The following GRHL2 variants were observed in gnomAD, a reference collection of about 807,000 sequenced individuals.
GRHL2 encodes grainyhead like transcription factor 2, also known as grainyhead-like protein 2 homolog.
Under a neutral mutation model 83.8 loss-of-function variants are expected in GRHL2, and 21 were observed. The observed-to-expected ratio is 0.25, with a 90% CI of 0.18 to 0.36. The LOEUF (loss-of-function observed/expected upper bound fraction) is 0.36, where lower values mean the gene tolerates loss of function less well. Ranked by LOEUF, GRHL2 falls within the 10% of genes least tolerant of loss-of-function variation. The pLI is 1.00. For synonymous variants in GRHL2, 280 were observed against 278.9 expected (o/e 1.00, Z -0.04); for missense variants, 623 against 781.8 (o/e 0.80, Z 2.42).
chr8:101,559,783 T>C (rs1309272865), intron 4 of GRHL2, among the ~76,000 whole-genome samples: 1 of 152,180 alleles, frequency 6.6e-6, no homozygotes, highest in Admixed American at 6.5e-5. Context: ...CATCAGAATC[T>C]AGGTATAGAA....
chr8:101,500,342 A>G (rs753612246), intron 1 of GRHL2, among the ~76,000 whole-genome samples: 12 of 152,062 alleles, frequency 7.9e-5, no homozygotes, highest in Admixed American at 1.3e-4. Flanking sequence ...CAAATTTCAG[A>G]TTCACCCTAC....
intron 1 of GRHL2, among the ~76,000 whole-genome samples, chr8:101,503,165 G>A (rs1810266798): frequency 6.6e-6 from 1 of 152,200 alleles, no homozygotes; most frequent in African/African-American, 2.4e-5. Flanking sequence ...TCTCATGTTG[G>A]AGGGAATTTT....
chr8:101,493,973 G>A (rs1163884742), intron 1 of GRHL2, among the ~76,000 whole-genome samples: 1 of 152,140 alleles, frequency 6.6e-6, no homozygotes, highest in Admixed American at 6.5e-5. Context: ...GGCCTTTCTC[G>A]GGATTCGGCG....
chr8:101,595,173 T>C (rs1714254184), intron 7 of GRHL2, among the ~76,000 whole-genome samples: 1 of 152,226 alleles, frequency 6.6e-6, no homozygotes, highest in South Asian at 2.1e-4. Context: ...CAGTAAATAT[T>C]TCCTCAATAC....
intron 3 of GRHL2, among the ~76,000 whole-genome samples, chr8:101,556,659 C>T (rs1563578547): frequency 1.3e-5 from 2 of 152,160 alleles, no homozygotes; most frequent in African/African-American, 4.8e-5. Context: ...TTTACATAAG[C>T]CAAGCTACAC....
At chr8:101,577,307 A>C in intron 6 of GRHL2, 101 bp from the exon 7 acceptor site, 1 of 773,360 alleles carries the variant, frequency 1.3e-6, no homozygotes, top group Non-Finnish European at 2.3e-6. Context: ...CAAGAAAAGC[A>C]ACATGACACA....
chr8:101,540,478 GTT>G (rs1436492380), intron 1 of GRHL2, among the ~76,000 whole-genome samples: 2 of 152,182 alleles, frequency 1.3e-5, no homozygotes, highest in Non-Finnish European at 2.9e-5. Context: ...TTGAGTCAAT[GTT>G]CTCTCTTTCC....
intron 8 of GRHL2, among the ~76,000 whole-genome samples, chr8:101,612,038 G>T (rs1024093275): frequency 8.0e-5 from 12 of 150,894 alleles, no homozygotes; most frequent in Non-Finnish European, 1.6e-4. Flanking sequence ...TAGGCTGGAT[G>T]GAGTGCAATG....
At chr8:101,621,549 A>G (rs1812965287) in intron 9 of GRHL2, among the ~76,000 whole-genome samples, 1 of 152,190 alleles carries the variant, frequency 6.6e-6, no homozygotes, top group Non-Finnish European at 1.5e-5. Context: ...AATTTTTAAA[A>G]TCAGAGAAAA....
At chr8:101,548,477 C>T (rs527293995) in intron 2 of GRHL2, among the ~76,000 whole-genome samples, 4 of 152,296 alleles carry the variant, frequency 2.6e-5, no homozygotes, top group Admixed American at 2.6e-4. Flanking sequence ...TGATCTGTCA[C>T]ATGCACAGAC....
chr8:101,497,879 A>G (rs1163273710), intron 1 of GRHL2, among the ~76,000 whole-genome samples: 3 of 152,234 alleles, frequency 2.0e-5, no homozygotes, highest in African/African-American at 4.8e-5. Flanking sequence ...TAACATGGAT[A>G]TAAGACTTCT....
chr8:101,652,600 G>GTGTGTGTGTGATGGT (rs1813694008), intron 14 of GRHL2, among the ~76,000 whole-genome samples: 1 of 71,616 alleles, frequency 1.4e-5, no homozygotes, highest in African/African-American at 1.1e-4. Flanking sequence ...GTGTGTGTGT[G>GTGTGTGTGTGATGGT]GTGTGTGTGT....
At chr8:101,560,926 C>A (rs911036656) in intron 4 of GRHL2, among the ~76,000 whole-genome samples, 2 of 152,020 alleles carry the variant, frequency 1.3e-5, no homozygotes, top group Non-Finnish European at 2.9e-5. Context: ...ATTTTGCAGT[C>A]CATTAGCCTT....
intron 1 of GRHL2, among the ~76,000 whole-genome samples, chr8:101,523,094 G>A (rs1024965037): frequency 6.0e-5 from 9 of 151,152 alleles, no homozygotes; most frequent in Non-Finnish European, 1.2e-4. Flanking sequence ...TTTATTTTTC[G>A]TAAAGATGGG....
the GRHL2 span, among the ~76,000 whole-genome samples, chr8:101,675,053 G>A: frequency 5.7e-4 from 87 of 152,210 alleles, no homozygotes; most frequent in African/African-American, 1.9e-3. Context: ...TTGATGGGAC[G>A]TATCTCAAAA....
intron 13 of GRHL2, among the ~76,000 whole-genome samples, chr8:101,646,451 C>T (rs564875883): frequency 6.6e-6 from 1 of 152,288 alleles, no homozygotes; most frequent in African/African-American, 2.4e-5. Context: ...GAATCATAGA[C>T]ACATGAGGGC....
intron 9 of GRHL2, 40 bp downstream of exon 9, chr8:101,619,737 T>A: frequency 1.2e-5 from 17 of 1,461,594 alleles, no homozygotes; most frequent in Non-Finnish European, 1.6e-5. Flanking sequence ...GTATCTTTTT[T>A]ATTAGATATT....
At chr8:101,611,945 A>G (rs1490384357) in intron 8 of GRHL2, among the ~76,000 whole-genome samples, 2 of 150,848 alleles carry the variant, frequency 1.3e-5, no homozygotes, top group African/African-American at 5.0e-5. Context: ...AGACTCCTAC[A>G]GGAAATCTTC....
intron 1 of GRHL2, among the ~76,000 whole-genome samples, chr8:101,504,840 T>C (rs1015711171): frequency 4.0e-5 from 6 of 151,832 alleles, no homozygotes; most frequent in African/African-American, 1.5e-4. Flanking sequence ...AATGGAAGTG[T>C]TGTCGCCAAC....
Sources: gnomAD v4.1 joint callset for allele counts (sites outside exome capture counted in the v4.1 genomes callset) on GRCh38, gnomAD v4.1.1 for gene constraint, MANE v1.5 for transcripts, NCBI Gene and HGNC (gene_info 2026-07-23, HGNC 2026-07-21) for gene names.